The following MTMR12 variants were observed in gnomAD, a reference collection of about 807,000 sequenced individuals.
MTMR12 encodes myotubularin related protein 12, also known as myotubularin-related protein 12.
In MTMR12, 33 loss-of-function variants were observed where a neutral mutation model predicts 96.7. That is an observed-to-expected ratio of 0.34 (90% CI 0.26 to 0.46). The LOEUF is 0.46. Among genes scored for constraint, MTMR12 ranks in the 20% least tolerant of loss-of-function variants. The pLI is 1.00. For synonymous variants in MTMR12, 298 were observed against 327.2 expected (o/e 0.91, Z 0.96); for missense variants, 721 against 896.1 (o/e 0.80, Z 2.49).
chr5:32,259,447 T>TA (rs1333074647), intron 7 of MTMR12, among the ~76,000 whole-genome samples: 2 of 152,220 alleles, frequency 1.3e-5, no homozygotes, highest in Non-Finnish European at 2.9e-5. Context: ...TCCTTGTTCT[T>TA]ACCCAAACTG....
At chr5:32,230,470 T>G (rs956729052) in intron 15 of MTMR12, 123 bp from the exon 16 acceptor site, 6 of 892,304 alleles carry the variant, frequency 6.7e-6, no homozygotes, top group Non-Finnish European at 1.0e-5. Flanking sequence ...AGTGTTGCCA[T>G]GTGAATGCAC....
intron 6 of MTMR12, among the ~76,000 whole-genome samples, chr5:32,265,783 G>C (rs1438577745): frequency 6.6e-6 from 1 of 152,112 alleles, no homozygotes; most frequent in Admixed American, 6.5e-5. Flanking sequence ...CCCAATTAAT[G>C]ACTGCACCTT....
intron 7 of MTMR12, among the ~76,000 whole-genome samples, chr5:32,259,086 TG>T (rs1318098937): frequency 6.6e-6 from 1 of 152,126 alleles, no homozygotes. Context: ...ACATTCCCAT[TG>T]GACACAAGCA....
At chr5:32,287,326 G>C (rs1182832318) in intron 1 of MTMR12, among the ~76,000 whole-genome samples, 3 of 152,140 alleles carry the variant, frequency 2.0e-5, no homozygotes, top group Admixed American at 2.0e-4. Flanking sequence ...GTGAATATAA[G>C]GCAGGCAGAA....
Position 32,264,385 on chromosome 5 carries a change from C to A in MTMR12, c.584-1143G>T, listed in dbSNP as rs182434227. On this transcript the variant is annotated intron_variant, in intron 6 of 15. Transcript: ENST00000382142. ...TCCTTTTCATAAAACCAGATCATAG[C>A]AAAAATAAGAATAATGATGATGATA... Among the ~76,000 whole-genome samples the A allele has an allele frequency of 3.3e-3, 500 of 151,894 alleles. 4 individuals are homozygous for A. Among genetic ancestry groups the A allele is most frequent in the Admixed American group, 7.1e-3 (109 of 15,274 alleles).
intron 1 of MTMR12, among the ~76,000 whole-genome samples, chr5:32,304,706 G>C (rs1751285020): frequency 1.3e-5 from 2 of 152,204 alleles, no homozygotes; most frequent in African/African-American, 4.8e-5. Context: ...TAACGTTCGA[G>C]CTAGAAGTAG....
intron 1 of MTMR12, among the ~76,000 whole-genome samples, chr5:32,290,398 C>T (rs1209772486): frequency 6.6e-6 from 1 of 152,146 alleles, no homozygotes; most frequent in Non-Finnish European, 1.5e-5. Flanking sequence ...CTAAATCCAA[C>T]TAAAATTTAG....
chr5:32,252,364 A>G (rs1748965852), intron 8 of MTMR12, among the ~76,000 whole-genome samples: 1 of 152,234 alleles, frequency 6.6e-6, no homozygotes, highest in Admixed American at 6.5e-5. Context: ...TGTGTATTTT[A>G]CCACAATTTT....
chr5:32,285,404 G>A (rs1319910622), intron 1 of MTMR12, among the ~76,000 whole-genome samples: 1 of 150,398 alleles, frequency 6.6e-6, no homozygotes, highest in African/African-American at 2.4e-5. Context: ...AGCCTCAAGT[G>A]ATCCTTCTGC....
At chr5:32,268,508 T>TAAAAA (rs72294899) in intron 6 of MTMR12, among the ~76,000 whole-genome samples, 193 bp downstream of exon 6, 1 of 136,204 alleles carries the variant, frequency 7.3e-6, no homozygotes, top group Admixed American at 7.4e-5. Context: ...ACTCCATCTT[T>TAAAAA]AAAAAAAAAA....
At chr5:32,298,723 C>T (rs922457298) in intron 1 of MTMR12, among the ~76,000 whole-genome samples, 3 of 151,382 alleles carry the variant, frequency 2.0e-5, no homozygotes, top group Admixed American at 1.3e-4. Context: ...CAGAGGCGGG[C>T]GGATCATGAG....
intron 8 of MTMR12, among the ~76,000 whole-genome samples, chr5:32,252,267 G>T (rs1748960256): frequency 6.6e-6 from 1 of 152,206 alleles, no homozygotes; most frequent in African/African-American, 2.4e-5. Flanking sequence ...ACAGCATGGA[G>T]ATGTGGAAAT....
intron 7 of MTMR12, among the ~76,000 whole-genome samples, chr5:32,257,361 G>C (rs1468966879): frequency 6.6e-6 from 1 of 152,138 alleles, no homozygotes; most frequent in African/African-American, 2.4e-5. Context: ...AAGCAGGTGG[G>C]GGTATAGAGA....
intron 8 of MTMR12, among the ~76,000 whole-genome samples, chr5:32,252,994 G>GAGA (rs1749000364): frequency 6.6e-6 from 1 of 152,206 alleles, no homozygotes; most frequent in Admixed American, 6.5e-5. Flanking sequence ...TTAAGAGTCA[G>GAGA]AGAAGACACA....
Position 32,276,681 on chromosome 5 carries a change from C to G in MTMR12, c.142+1G>C, listed in dbSNP as rs1750063807. Reference sequence around the variant, plus strand: ...AGTTACTATGCTAACATGACAGTTACCTGGCAACAAGTGAAGAGTTACTTC... The same window carrying G: ...AGTTACTATGCTAACATGACAGTTAGCTGGCAACAAGTGAAGAGTTACTTC... On this transcript the variant is annotated splice_donor_variant, in intron 2 of 15. Transcript: ENST00000382142. LOFTEE classifies it high-confidence loss of function. 1 of 1,612,932 alleles carries G rather than the reference C, an allele frequency of 6.2e-7. No individual in the cohort carries two copies. The highest frequency in any genetic ancestry group is 1.7e-5 in the Admixed American group (1 of 59,952).
intron 12 of MTMR12, among the ~76,000 whole-genome samples, chr5:32,241,643 A>G (rs565452450): frequency 5.9e-5 from 9 of 152,334 alleles, no homozygotes; most frequent in African/African-American, 2.2e-4. Flanking sequence ...ACAGGCCACC[A>G]AGTTTCTATG....
At chr5:32,273,135 C>G (rs1749904615) in intron 3 of MTMR12, among the ~76,000 whole-genome samples, 1 of 145,288 alleles carries the variant, frequency 6.9e-6, no homozygotes, top group Non-Finnish European at 1.5e-5. Context: ...TGAGGCGGCT[C>G]ATGTCTGTAA....
chr5:32,305,166 G>T (rs1751307183), intron 1 of MTMR12, among the ~76,000 whole-genome samples: 1 of 152,090 alleles, frequency 6.6e-6, no homozygotes, highest in Admixed American at 6.6e-5. Context: ...TTGGCTCACT[G>T]CAACCTCTGC....
intron 2 of MTMR12, 31 bp downstream of exon 2, chr5:32,276,651 A>G: frequency 1.3e-6 from 2 of 1,587,918 alleles, no homozygotes; most frequent in African/African-American, 1.3e-5. Context: ...TTTGCCTTGC[A>G]TAGGAGTTAC....
Sources: gnomAD v4.1 joint callset for allele counts (sites outside exome capture counted in the v4.1 genomes callset) on GRCh38, gnomAD v4.1.1 for gene constraint, MANE v1.5 for transcripts, NCBI Gene and HGNC (gene_info 2026-07-23, HGNC 2026-07-21) for gene names.